RELN: variants seen among roughly 807,000 people sequenced by gnomAD.
RELN encodes the protein reelin.
In RELN, 108 loss-of-function variants were observed where a neutral mutation model predicts 427.6. That is an observed-to-expected ratio of 0.25 (90% CI 0.22 to 0.30). The LOEUF (loss-of-function observed/expected upper bound fraction) is 0.30, where lower values mean the gene tolerates loss of function less well. Ranked by LOEUF, RELN falls within the 10% of genes least tolerant of loss-of-function variation. The probability of loss-of-function intolerance (pLI) is 1.00; values close to 1 mark genes in which losing one functional copy is unlikely to be tolerated. For synonymous variants in RELN, 1,524 were observed against 1,513.4 expected, an observed-to-expected ratio of 1.01 and a Z score of -0.16; for missense variants, 3,715 against 4,302.8, an observed-to-expected ratio of 0.86 and a Z score of 3.82.
At chr7:103,862,409 T>TTCATCTA (rs57691471) in intron 2 of RELN, among the ~76,000 whole-genome samples, 5,009 of 144,828 alleles carry the variant, frequency 0.035, 134 homozygotes, top group East Asian at 0.1. Context: ...TATGCTTTTG[T>TTCATCTA]TCTATCTATC....
rs1264051184 is a variant in RELN, at chr7:103,749,448, G to C, written c.634C>G (p.Leu212Val). ...TACCATATATTTGGATTTAATTGCA[G>C]TTGGTGGTAGGAGTCAAAGTCATCT... ...LRDDFDSYHQ[L>V]QLNPNIWVEC... is the part of the protein sequence containing the mutation. The change falls in exon 6 of 65, where the codon CTG becomes GTG. Residue 212 changes from leucine to valine, a missense_variant. By Grantham distance (32) the Leu-to-Val change is conservative. Transcript: ENST00000428762. The C allele has an allele frequency of 1.2e-6, 2 of 1,613,050 alleles. No homozygotes were observed. The highest frequency in any genetic ancestry group is 4.5e-5 in the East Asian group (2 of 44,806).
chr7:103,472,963 G>C (rs774601702), intron 64 of RELN, 55 bp from the exon 65 acceptor site: 8 of 1,351,774 alleles, frequency 5.9e-6, no homozygotes, highest in African/African-American at 2.9e-5. Flanking sequence ...GAGCATGTAA[G>C]TCCCATCATT....
intron 4 of RELN, among the ~76,000 whole-genome samples, chr7:103,770,908 G>A (rs1414524257): frequency 1.5e-5 from 2 of 135,736 alleles, no homozygotes; most frequent in African/African-American, 2.9e-5. Flanking sequence ...ATTGCCAATC[G>A]CTTACTTTTT....
chr7:103,800,444 A>G (rs1197078000), intron 3 of RELN, among the ~76,000 whole-genome samples: 3 of 152,192 alleles, frequency 2.0e-5, no homozygotes, highest in African/African-American at 7.2e-5. Flanking sequence ...CAACCATCTG[A>G]TCTTTGACAA....
In RELN at chr7:103,487,886, G is replaced by A. The variant is rs146933475; in HGVS notation, c.9764-1470C>T. On this transcript the variant is annotated intron_variant, in intron 60 of 64. Transcript: ENST00000428762. ...GGGTGGGGCGTGGTGGCTCATGCCT[G>A]TAATTCCAGCACTTTGGGAGGCCGA... Among the ~76,000 whole-genome samples, 555 of 152,324 alleles carry A rather than the reference G, an allele frequency of 3.6e-3. 5 individuals carry two copies. Among genetic ancestry groups the A allele is most frequent in the Non-Finnish European group, 5.7e-3 (385 of 68,034 alleles).
intron 6 of RELN, among the ~76,000 whole-genome samples, chr7:103,742,083 T>C (rs1238018017): frequency 6.6e-6 from 1 of 151,982 alleles, no homozygotes; most frequent in Non-Finnish European, 1.5e-5. Flanking sequence ...ACAGGAACGA[T>C]CAGGCAGCAA....
rs1281709432 is a variant in RELN, at chr7:103,788,309, C to A, written c.474-11682G>T. On this transcript the variant is annotated intron_variant, in intron 3 of 64. Transcript: ENST00000428762. ...AAGGATGCCCTCTCTCACCACTCCT[C>A]TTCAACACAGTAATGGAAGTTCTGG... 3.9e-5 allele frequency among the ~76,000 whole-genome samples: 6 copies of A among 152,084 alleles called. No individual in the cohort carries two copies. The South Asian group carries it at 6.2e-4, about 16-fold the overall frequency.
intron 3 of RELN, among the ~76,000 whole-genome samples, chr7:103,828,093 T>C (rs1255256282): frequency 2.0e-5 from 3 of 152,022 alleles, no homozygotes; most frequent in Non-Finnish European, 4.4e-5. Context: ...CAAATACATC[T>C]GTGATGTGTC....
chr7:103,565,649 C>G, intron 33 of RELN, 98 bp from the exon 34 acceptor site: 8 of 1,193,018 alleles, frequency 6.7e-6, no homozygotes, highest in Non-Finnish European at 9.6e-6. Context: ...AAACAAAAAT[C>G]ATGGCCTATC....
chr7:103,698,224 A>G (rs1834019069), intron 9 of RELN, 131 bp from the exon 10 acceptor site: 1 of 1,111,420 alleles, frequency 9.0e-7, no homozygotes, highest in Non-Finnish European at 1.3e-6. Context: ...AATAGCTACA[A>G]TCTCATAGCC....
intron 3 of RELN, among the ~76,000 whole-genome samples, chr7:103,801,891 T>C (rs1453089110): frequency 6.6e-6 from 1 of 152,172 alleles, no homozygotes; most frequent in East Asian, 1.9e-4. Context: ...TTTAATATAG[T>C]AGTAATTAGT....
chr7:103,962,105 T>G (rs1273387512), intron 1 of RELN, among the ~76,000 whole-genome samples: 1 of 152,196 alleles, frequency 6.6e-6, no homozygotes, highest in Non-Finnish European at 1.5e-5. Flanking sequence ...ATTAAATCTC[T>G]AGTACTGTCA....
At chr7:103,704,315 T>C (rs749155783) in intron 8 of RELN, among the ~76,000 whole-genome samples, 27 of 152,200 alleles carry the variant, frequency 1.8e-4, no homozygotes, top group Non-Finnish European at 2.6e-4. Flanking sequence ...AAATTCTGGC[T>C]TTTAAAAAAT....
intron 4 of RELN, among the ~76,000 whole-genome samples, chr7:103,760,631 T>TA (rs1163676728): frequency 4.4e-4 from 65 of 146,762 alleles, no homozygotes; most frequent in Non-Finnish European, 6.6e-4. Flanking sequence ...ATTGATTACT[T>TA]AAAAAAAAAA....
chr7:103,746,373 T>C (rs1234773042), intron 6 of RELN, among the ~76,000 whole-genome samples: 4 of 152,094 alleles, frequency 2.6e-5, no homozygotes, highest in Non-Finnish European at 5.9e-5. Flanking sequence ...ACTTCATGTC[T>C]AAAACACCAA....
At chr7:103,503,535 T>A (rs889084992) in intron 51 of RELN, among the ~76,000 whole-genome samples, 4 of 152,214 alleles carry the variant, frequency 2.6e-5, no homozygotes, top group African/African-American at 9.6e-5. Context: ...AAACTGTTAG[T>A]TGTGCTAATG....
intron 3 of RELN, among the ~76,000 whole-genome samples, chr7:103,823,654 CTAAAA>C (rs558545645): frequency 1.1e-3 from 160 of 152,078 alleles, no homozygotes; most frequent in African/African-American, 3.8e-3. Context: ...AAATTCTATC[CTAAAA>C]TAATTATTGG....
intron 8 of RELN, among the ~76,000 whole-genome samples, chr7:103,710,916 T>C (rs1340947827): frequency 1.3e-5 from 2 of 152,150 alleles, no homozygotes; most frequent in African/African-American, 4.8e-5. Flanking sequence ...TGGTGGCCCA[T>C]GCCTATAGTC....
chr7:103,543,374 G>A (rs1245349838), intron 42 of RELN, among the ~76,000 whole-genome samples: 4 of 152,250 alleles, frequency 2.6e-5, no homozygotes, highest in South Asian at 2.1e-4. Flanking sequence ...GGCTGGGTGC[G>A]GTGGCTCACA....
Sources: allele counts gnomAD v4.1 joint callset (sites outside exome capture counted in the v4.1 genomes callset), GRCh38; gene constraint gnomAD v4.1.1; transcripts MANE v1.5; gene names NCBI Gene and HGNC (gene_info 2026-07-23, HGNC 2026-07-21).